The following RPH3A variants were observed in gnomAD, a reference collection of about 807,000 sequenced individuals.
RPH3A encodes rabphilin 3A.
Under a neutral mutation model 102.2 loss-of-function variants are expected in RPH3A, and 48 were observed. The ratio of observed to expected loss-of-function variants is 0.47; its 90% confidence interval spans 0.37 to 0.60. RPH3A has a LOEUF of 0.60. Among genes scored for constraint, RPH3A ranks in the 20% least tolerant of loss-of-function variants. RPH3A has a pLI of 0.00. For missense variants in RPH3A, 781 were observed against 910.1 expected (o/e 0.86, Z 1.83); for synonymous variants, 310 against 324.3 (o/e 0.96, Z 0.47).
chr12:112,851,818 C>A (rs2042328523), intron 5 of RPH3A, among the ~76,000 whole-genome samples: 1 of 152,158 alleles, frequency 6.6e-6, no homozygotes, highest in African/African-American at 2.4e-5. Context: ...TATATAAGTG[C>A]CAAGTGGGAT....
At chr12:112,756,905 T>G (rs2040826596) in intron 1 of RPH3A, among the ~76,000 whole-genome samples, 2 of 152,250 alleles carry the variant, frequency 1.3e-5, no homozygotes, top group Non-Finnish European at 2.9e-5. Flanking sequence ...AAAGTATTAT[T>G]AACCTTTCCA....
At chr12:112,710,295 T>C (rs1295764625) in intron 1 of RPH3A, among the ~76,000 whole-genome samples, 1 of 152,102 alleles carries the variant, frequency 6.6e-6, no homozygotes, top group African/African-American at 2.4e-5. Context: ...TTCTTGACCG[T>C]AGTTTCAGCG....
chr12:112,606,047 G>T (rs946860200), intron 1 of RPH3A, among the ~76,000 whole-genome samples: 1 of 152,206 alleles, frequency 6.6e-6, no homozygotes, highest in Non-Finnish European at 1.5e-5. Context: ...GATAGCTGAG[G>T]TGTTGAGCAG....
At chr12:112,798,967 C>T (rs1309212958) in intron 2 of RPH3A, among the ~76,000 whole-genome samples, 1 of 152,088 alleles carries the variant, frequency 6.6e-6, no homozygotes, top group Non-Finnish European at 1.5e-5. Context: ...ACAGAAATTA[C>T]TTGTAAAGGG....
rs578075958 is a variant in RPH3A at position 112,674,423 on chromosome 12, G to A, written c.-140+99104G>A. ...GCCACCCTCACCCCCAAGTCACTAC[G>A]ACCTCTTGTACAATTAGTGGATTTT... On this transcript the variant is annotated intron_variant, in intron 1 of 21. Coordinates refer to the RPH3A transcript ENST00000543106. 4.6e-5 allele frequency among the ~76,000 whole-genome samples: 7 copies of A among 152,278 alleles called. No homozygotes were observed. The East Asian group carries it at 7.7e-4, about 17-fold the overall frequency.
At chr12:112,618,497 C>T (rs1360700436) in intron 1 of RPH3A, among the ~76,000 whole-genome samples, 5 of 152,182 alleles carry the variant, frequency 3.3e-5, no homozygotes, top group East Asian at 1.9e-4. Context: ...GAGGCTCCCA[C>T]CCTCTCTAAG....
At chr12:112,656,202 T>C (rs1261808334) in intron 1 of RPH3A, among the ~76,000 whole-genome samples, 1 of 152,224 alleles carries the variant, frequency 6.6e-6, no homozygotes, top group African/African-American at 2.4e-5. Flanking sequence ...AGCAAACTTT[T>C]CTTTCATTAT....
intron 1 of RPH3A, among the ~76,000 whole-genome samples, chr12:112,732,986 G>A (rs1190781936): frequency 2.0e-5 from 3 of 152,182 alleles, no homozygotes; most frequent in Non-Finnish European, 4.4e-5. Context: ...TTGCATTACA[G>A]TTATCAATTT....
In RPH3A at chr12:112,890,071, T is replaced by C; in HGVS notation, c.1611T>C (p.Tyr537=). 1 of 1,613,706 alleles carries C rather than the reference T, an allele frequency of 6.2e-7. No individual in the cohort carries two copies. Among genetic ancestry groups the C allele is most frequent in the Non-Finnish European group, 8.5e-7 (1 of 1,179,990 alleles). The change falls in exon 18 of 22, where the codon TAT becomes TAC. Residue 537 remains tyrosine, a synonymous_variant. Coordinates refer to ENST00000389385, the MANE Select transcript of RPH3A (RefSeq NM_001143854.2). ...TTGSARGMAL[Y]EEEQVERVGD... ...GGTCAGCCCGAGGCATGGCCCTTTA[T>C]GAGGAAGAGGTGAGCACTGAGCAGG...
At chr12:112,762,269 T>G (rs2040859233) in intron 1 of RPH3A, among the ~76,000 whole-genome samples, 1 of 152,136 alleles carries the variant, frequency 6.6e-6, no homozygotes, top group African/African-American at 2.4e-5. Context: ...ACCCAGAACT[T>G]TTGCCAATCA....
chr12:112,889,703 G>A (rs556199574), intron 17 of RPH3A, among the ~76,000 whole-genome samples: 2 of 152,218 alleles, frequency 1.3e-5, no homozygotes, highest in South Asian at 4.1e-4. Context: ...GTCTGTTTGT[G>A]TGTGGAATGC....
intron 1 of RPH3A, among the ~76,000 whole-genome samples, chr12:112,729,790 T>C (rs2040620671): frequency 6.6e-6 from 1 of 152,224 alleles, no homozygotes; most frequent in African/African-American, 2.4e-5. Context: ...GGACATGTTA[T>C]TTAGCCTTTC....
intron 2 of RPH3A, among the ~76,000 whole-genome samples, chr12:112,818,360 A>G (rs905459214): frequency 1.3e-5 from 2 of 151,662 alleles, no homozygotes; most frequent in African/African-American, 2.4e-5. Flanking sequence ...ATATTGGTCC[A>G]TAGTAGCCCA....
chr12:112,844,067 G>A (rs753077308), intron 4 of RPH3A, among the ~76,000 whole-genome samples: 46 of 152,294 alleles, frequency 3.0e-4, no homozygotes, highest in Admixed American at 2.6e-4. Flanking sequence ...AGGATGGAAG[G>A]ATATCTGTCA....
chr12:112,867,714 G>A (rs920198845), intron 7 of RPH3A, among the ~76,000 whole-genome samples: 15 of 152,192 alleles, frequency 9.9e-5, no homozygotes, highest in African/African-American at 3.6e-4. Flanking sequence ...GTGGGTTGGG[G>A]GGAGCCAAGG....
Position 112,590,353 on chromosome 12 carries a change from G to A in RPH3A, c.-140+15034G>A, listed in dbSNP as rs181319860. Among the ~76,000 whole-genome samples the A allele has an allele frequency of 5.9e-3, 895 of 152,308 alleles. 5 individuals are homozygous for A. Among genetic ancestry groups the A allele is most frequent in the Non-Finnish European group, 8.1e-3 (550 of 68,028 alleles). On this transcript the variant is annotated intron_variant, in intron 1 of 21. Transcript: ENST00000543106. ...CCTCGGAGACCACCCTGCTGAATGAGGGTTCCAGTCTCGACTCAATCACCT... is the reference window on the plus strand; with the variant it reads ...CCTCGGAGACCACCCTGCTGAATGAAGGTTCCAGTCTCGACTCAATCACCT...
At chr12:112,665,682 G>A (rs891056913) in intron 1 of RPH3A, among the ~76,000 whole-genome samples, 2 of 152,054 alleles carry the variant, frequency 1.3e-5, no homozygotes, top group African/African-American at 4.8e-5. Context: ...GCTTGATTTG[G>A]GCTATTATCA....
chr12:112,769,269 T>G (rs941809351), intron 1 of RPH3A, among the ~76,000 whole-genome samples: 1 of 152,262 alleles, frequency 6.6e-6, no homozygotes, highest in African/African-American at 2.4e-5. Context: ...CCTTCCAGTT[T>G]ATCTCCATTG....
intron 19 of RPH3A, chr12:112,894,123 T>TTAAAAA: frequency 1.7e-4 from 30 of 178,320 alleles, no homozygotes; most frequent in Non-Finnish European, 2.8e-4. Flanking sequence ...TTCCCCTTTC[T>TTAAAAA]GTGCATACAC....
Sources: gnomAD v4.1 joint callset for allele counts (sites outside exome capture counted in the v4.1 genomes callset) on GRCh38, gnomAD v4.1.1 for gene constraint, MANE v1.5 for transcripts, NCBI Gene and HGNC (gene_info 2026-07-23, HGNC 2026-07-21) for gene names.